The following TBC1D22A variants were observed in gnomAD, a reference collection of about 807,000 sequenced individuals.
The protein encoded by TBC1D22A is TBC1 domain family member 22A, also known as putative GTPase activator.
A neutral mutation model predicts 60.2 loss-of-function variants in TBC1D22A; 38 were observed. The ratio of observed to expected loss-of-function variants is 0.63; its 90% CI spans 0.49 to 0.83. The LOEUF (loss-of-function observed/expected upper bound fraction) is 0.83, where lower values mean the gene tolerates loss of function less well. Among genes scored for constraint, TBC1D22A ranks in the 40% least tolerant of loss-of-function variants. TBC1D22A has a pLI of 0.00. For missense variants in TBC1D22A, 628 were observed against 701.0 expected (o/e 0.90, Z 1.18); for synonymous variants, 302 against 281.7 (o/e 1.07, Z -0.72).
At chr22:46,776,728 C>T (rs1408105661) in intron 1 of TBC1D22A, among the ~76,000 whole-genome samples, 1 of 151,854 alleles carries the variant, frequency 6.6e-6, no homozygotes, top group Non-Finnish European at 1.5e-5. Flanking sequence ...GAAGTGCTTG[C>T]AATTCAGTTA....
At chr22:46,816,966 A>G (rs2147073239) in intron 4 of TBC1D22A, among the ~76,000 whole-genome samples, 1 of 152,312 alleles carries the variant, frequency 6.6e-6, no homozygotes, top group East Asian at 1.9e-4. Flanking sequence ...CTTTTCACAT[A>G]GGCAAAATGC....
intron 12 of TBC1D22A, among the ~76,000 whole-genome samples, chr22:47,143,722 G>A (rs1007216505): frequency 6.6e-6 from 1 of 152,242 alleles, no homozygotes; most frequent in African/African-American, 2.4e-5. Flanking sequence ...AGCTCTGCAT[G>A]CATCGCGTGT....
chr22:46,946,580 G>A (rs922436118), intron 8 of TBC1D22A, among the ~76,000 whole-genome samples: 7 of 152,216 alleles, frequency 4.6e-5, no homozygotes, highest in Admixed American at 1.3e-4. Flanking sequence ...GCACTGAGTA[G>A]GTGCACAAGG....
chr22:46,989,154 A>G (rs962934544), intron 9 of TBC1D22A, among the ~76,000 whole-genome samples: 1 of 152,108 alleles, frequency 6.6e-6, no homozygotes, highest in Non-Finnish European at 1.5e-5. Context: ...AATTAAAGAG[A>G]ATTAGGGTCT....
chr22:46,885,083 T>G (rs550844801), intron 5 of TBC1D22A, among the ~76,000 whole-genome samples: 1 of 152,140 alleles, frequency 6.6e-6, no homozygotes, highest in African/African-American at 2.4e-5. Flanking sequence ...GACCGTGGGG[T>G]CTTTGTCCAC....
intron 4 of TBC1D22A, among the ~76,000 whole-genome samples, chr22:46,827,130 C>T (rs754961103): frequency 6.6e-6 from 1 of 152,178 alleles, no homozygotes; most frequent in African/African-American, 2.4e-5. Context: ...GCCACGATTC[C>T]TCAGCACTCT....
At chr22:47,155,021 A>C (rs1157067852) in intron 12 of TBC1D22A, among the ~76,000 whole-genome samples, 3 of 152,156 alleles carry the variant, frequency 2.0e-5, no homozygotes, top group Non-Finnish European at 4.4e-5. Context: ...CAAACACCGC[A>C]AGGCAGGAAG....
chr22:46,940,020 C>T (rs1284582362), intron 8 of TBC1D22A, among the ~76,000 whole-genome samples: 1 of 152,158 alleles, frequency 6.6e-6, no homozygotes, highest in African/African-American at 2.4e-5. Flanking sequence ...TGGTTCCAGA[C>T]AACTGCAAGA....
At chr22:46,941,553 GGGAATATATATAC>G (rs1008125995) in intron 8 of TBC1D22A, among the ~76,000 whole-genome samples, 1 of 117,736 alleles carries the variant, frequency 8.5e-6, no homozygotes, top group Non-Finnish European at 1.8e-5. Context: ...TATATATACA[GGGAATATATATAC>G]GGAATATATA....
intron 12 of TBC1D22A, among the ~76,000 whole-genome samples, chr22:47,156,854 G>C (rs1480125402): frequency 6.6e-6 from 1 of 152,244 alleles, no homozygotes; most frequent in African/African-American, 2.4e-5. Context: ...ATGCTCAGCA[G>C]GGTCTGCATG....
intron 10 of TBC1D22A, among the ~76,000 whole-genome samples, chr22:47,015,576 T>A (rs543778690): frequency 7.9e-5 from 12 of 152,334 alleles, no homozygotes; most frequent in African/African-American, 2.6e-4. Flanking sequence ...AAGGAATTGT[T>A]TCTTGTCTTG....
intron 8 of TBC1D22A, among the ~76,000 whole-genome samples, chr22:46,959,027 G>A (rs536880726): frequency 6.6e-6 from 1 of 152,212 alleles, no homozygotes; most frequent in African/African-American, 2.4e-5. Flanking sequence ...ATTGGCTGTC[G>A]CTCACTGAGG....
At chr22:46,853,920 G>A (rs1011827445) in intron 4 of TBC1D22A, among the ~76,000 whole-genome samples, 3 of 152,154 alleles carry the variant, frequency 2.0e-5, no homozygotes, top group East Asian at 1.9e-4. Flanking sequence ...CAGCCATGCC[G>A]CATGACCTCA....
chr22:46,950,386 A>C (rs2148001663), intron 8 of TBC1D22A, among the ~76,000 whole-genome samples: 1 of 152,314 alleles, frequency 6.6e-6, no homozygotes, highest in Admixed American at 6.5e-5. Context: ...CCTGTTGCAC[A>C]TCCTAATCAT....
intron 4 of TBC1D22A, among the ~76,000 whole-genome samples, chr22:46,844,025 C>A (rs12171068): frequency 6.6e-6 from 1 of 151,432 alleles, no homozygotes; most frequent in Non-Finnish European, 1.5e-5. Flanking sequence ...GAGGGTCACA[C>A]GGTCTCTGTC....
At chr22:47,064,844 C>T (rs1206609555) in intron 11 of TBC1D22A, among the ~76,000 whole-genome samples, 1 of 152,186 alleles carries the variant, frequency 6.6e-6, no homozygotes, top group African/African-American at 2.4e-5. Flanking sequence ...TGTTAACTCT[C>T]CAAGTGTCTT....
At chr22:47,085,771 A>C (rs1365453549) in intron 11 of TBC1D22A, among the ~76,000 whole-genome samples, 2 of 152,226 alleles carry the variant, frequency 1.3e-5, no homozygotes, top group Non-Finnish European at 2.9e-5. Context: ...TCAAGTAGAA[A>C]AAAAAGGGCC....
intron 4 of TBC1D22A, among the ~76,000 whole-genome samples, chr22:46,867,167 C>G (rs577275237): frequency 6.6e-6 from 1 of 152,332 alleles, no homozygotes; most frequent in South Asian, 2.1e-4. Context: ...GAATAGATAT[C>G]AAAACACTTT....
intron 12 of TBC1D22A, among the ~76,000 whole-genome samples, chr22:47,133,879 G>A (rs1026160884): frequency 2.0e-5 from 3 of 152,198 alleles, no homozygotes; most frequent in Admixed American, 1.3e-4. Context: ...ACATCCTTCC[G>A]TGGGCTGTCT....
Sources: allele counts gnomAD v4.1 joint callset (sites outside exome capture counted in the v4.1 genomes callset), GRCh38; gene constraint gnomAD v4.1.1; transcripts MANE v1.5; gene names NCBI Gene and HGNC (gene_info 2026-07-23, HGNC 2026-07-21).